Variants in GPR83 observed in about 807,000 individuals in gnomAD.
GPR83 encodes the protein G protein-coupled receptor 83, also known as G-protein coupled receptor 72.
A neutral mutation model predicts 28.0 loss-of-function variants in GPR83; 23 were observed. The observed-to-expected ratio is 0.82, with a 90% CI of 0.59 to 1.16. The LOEUF (loss-of-function observed/expected upper bound fraction) is 1.16. Ranked by LOEUF, GPR83 falls within the 50% of genes most tolerant of loss-of-function variation. The pLI is 0.00. For missense variants in GPR83, 610 were observed against 536.6 expected (o/e 1.14, Z -1.35); for synonymous variants, 234 against 215.4 (o/e 1.09, Z -0.76).
At position 94,386,162 on chromosome 11, in the gene GPR83, A is replaced by G. The variant is rs554665119; in HGVS notation, c.648-5389T>C. 1.2e-4 allele frequency among the ~76,000 whole-genome samples: 18 copies of G among 152,308 alleles called. No individual in the cohort carries two copies. The East Asian group carries it at 3.3e-3, about 28-fold the overall frequency. On this transcript the variant is annotated intron_variant, in intron 3 of 3. Transcript: ENST00000243673. ...TAAGCAAATGCTGAGAGACTCTGTCACCACCAGGCCTGCCCTACAAGAGCT... is the reference window on the plus strand; with the variant it reads ...TAAGCAAATGCTGAGAGACTCTGTCGCCACCAGGCCTGCCCTACAAGAGCT...
At chr11:94,390,236 G>A (rs952898319) in intron 3 of GPR83, among the ~76,000 whole-genome samples, 1 of 151,802 alleles carries the variant, frequency 6.6e-6, no homozygotes, top group Non-Finnish European at 1.5e-5. Context: ...GAGTTAATGG[G>A]TGCAGCACAC....
intron 3 of GPR83, among the ~76,000 whole-genome samples, chr11:94,386,583 C>G (rs977297184): frequency 6.6e-6 from 1 of 150,392 alleles, no homozygotes; most frequent in African/African-American, 2.4e-5. Flanking sequence ...AAACCAAAGG[C>G]CATTACATAA....
intron 3 of GPR83, among the ~76,000 whole-genome samples, chr11:94,387,420 T>G (rs531515894): frequency 1.6e-3 from 239 of 152,230 alleles, no homozygotes; most frequent in Non-Finnish European, 2.9e-3. Flanking sequence ...ACAAAATTGA[T>G]AGACCGCTAG....
intron 3 of GPR83, among the ~76,000 whole-genome samples, chr11:94,389,504 G>A (rs1185753495): frequency 6.6e-6 from 1 of 152,168 alleles, no homozygotes; most frequent in African/African-American, 2.4e-5. Context: ...CAACAAGTGG[G>A]CGAAGGATAT....
At position 94,380,339 on chromosome 11, in the gene GPR83, C is replaced by T. The variant is rs143486778; in HGVS notation, c.1082G>A (p.Ser361Asn). ...AGGCTTGGGAGGTCTTTGACACATGCTCAGTAATGCCTTTAGCTCAATCCT... is the reference window on the plus strand; with the variant it reads ...AGGCTTGGGAGGTCTTTGACACATGTTCAGTAATGCCTTTAGCTCAATCCT... ...NFRIELKALL[S>N]MCQRPPKPQE... Residue 361 changes from serine to asparagine, a missense_variant, in exon 4 of 4, where the codon AGC becomes AAC. By Grantham distance (46) the Ser-to-Asn change is conservative. Coordinates refer to ENST00000243673, the MANE Select transcript of GPR83 (RefSeq NM_016540.4). 1.2e-6 allele frequency: 2 copies of T among 1,613,392 alleles called. No individual in the cohort carries two copies. The highest frequency in any genetic ancestry group is 2.7e-5 in the African/African-American group (2 of 74,910).
rs550748390 is a variant in GPR83, at chr11:94,381,809, C to T, written c.648-1036G>A. Among the ~76,000 whole-genome samples, 16 of 152,176 alleles carry T rather than the reference C, an allele frequency of 1.1e-4. No individual in the cohort carries two copies. In the South Asian group the frequency reaches 1.5e-3, roughly 14 times the overall value. On this transcript the variant is annotated intron_variant, in intron 3 of 3. Coordinates refer to ENST00000243673, the MANE Select transcript of GPR83 (RefSeq NM_016540.4). Reference sequence around the variant, plus strand: ...AGACCTGTAATAAAAGACTGAGAGACGGAGAAATAGGAAAGCCCAGTTACC... The same window carrying T: ...AGACCTGTAATAAAAGACTGAGAGATGGAGAAATAGGAAAGCCCAGTTACC...
chr11:94,400,895 A>T lies in GPR83; in HGVS notation c.353T>A (p.Ile118Lys), dbSNP rs1944904840. ...GGGGGTGTTGAGCAGCGTGATCATT[A>T]TGTCGGCAACTGCCAGGTTGACGAT... is the stretch of plus-strand genomic sequence containing the variant. ...LFIVNLAVAD[I>K]MITLLNTPFT... Residue 118 changes from isoleucine (I) to lysine (K), a missense_variant, in exon 1 of 4, where the codon ATA becomes AAA. Ile to Lys is a moderately radical substitution (Grantham distance 102). Coordinates refer to ENST00000243673, the MANE Select transcript of GPR83 (RefSeq NM_016540.4). 1 of 1,614,068 alleles carries T rather than the reference A, an allele frequency of 6.2e-7. No homozygotes were observed. Among genetic ancestry groups the T allele is most frequent in the Non-Finnish European group, 8.5e-7 (1 of 1,180,026 alleles).
intron 1 of GPR83, among the ~76,000 whole-genome samples, chr11:94,397,583 G>A (rs1439654891): frequency 6.6e-6 from 1 of 152,232 alleles, no homozygotes; most frequent in Non-Finnish European, 1.5e-5. Flanking sequence ...TGGGCCCTCT[G>A]AGCCCCACTT....
rs148382857 is a variant in GPR83 at position 94,383,875 on chromosome 11, C to T, written c.648-3102G>A. Among the ~76,000 whole-genome samples, 581 of 152,258 alleles carry T rather than the reference C, an allele frequency of 3.8e-3. 3 individuals are homozygous for T. The highest frequency in any genetic ancestry group is 0.013 in the African/African-American group (552 of 41,528). On this transcript the variant is annotated intron_variant, in intron 3 of 3. Transcript: ENST00000243673. ...CAACCAAAAAAAGTCCAGGACCAGA[C>T]AGATTCACAGCCAGATTCTACCAGA...
At chr11:94,389,158 T>C (rs1050746764) in intron 3 of GPR83, among the ~76,000 whole-genome samples, 4 of 152,152 alleles carry the variant, frequency 2.6e-5, no homozygotes, top group Non-Finnish European at 5.9e-5. Context: ...CCTTACACCT[T>C]ACACAAAAAT....
rs1944668723 is a variant in GPR83 at position 94,380,035 on chromosome 11, A to G, written c.*114T>C. 1.2e-6 allele frequency: 1 copy of G among 833,562 alleles called. No homozygotes were observed. Among genetic ancestry groups the G allele is most frequent in the Non-Finnish European group, 1.8e-6 (1 of 561,062 alleles). The allele number at this position is 833,562 out of a possible 1,614,324, so 51.6% of individuals were successfully genotyped here. ...AGTTTCCTAGGAATTCAAGAGTCCT[A>G]CAGCTTCTGCAGGAGTGTGTTTCCA... On this transcript the variant is annotated 3_prime_UTR_variant, in exon 4 of 4. Coordinates refer to ENST00000243673, the MANE Select transcript of GPR83 (RefSeq NM_016540.4).
At chr11:94,396,985 T>G (rs1368524372) in intron 1 of GPR83, among the ~76,000 whole-genome samples, 4 of 152,202 alleles carry the variant, frequency 2.6e-5, no homozygotes, top group African/African-American at 9.6e-5. Context: ...TCAGATATTA[T>G]TAGAAGTAAA....
chr11:94,378,004 T>C lies in GPR83; in HGVS notation c.*2145A>G, dbSNP rs12417810. Reference sequence around the variant, plus strand: ...CTCATTCTGGTTCACAGAATTTCTATGGCAGCTTTCAGATGAAACCATTAG... The same window carrying C: ...CTCATTCTGGTTCACAGAATTTCTACGGCAGCTTTCAGATGAAACCATTAG... On this transcript the variant is annotated 3_prime_UTR_variant, in exon 4 of 4. Transcript: ENST00000243673. The C allele has an allele frequency of 1.3e-5, 2 of 152,154 alleles. No homozygotes were observed. Among genetic ancestry groups the C allele is most frequent in the African/African-American group, 4.8e-5 (2 of 41,422 alleles). The allele number at this position is 152,154 out of a possible 1,614,324, so 9.4% of individuals were successfully genotyped here. A position where few individuals can be genotyped will look rare whatever the true frequency, so the allele number is the denominator to read the frequency against.
chr11:94,384,125 AG>A (rs1944722177), intron 3 of GPR83, among the ~76,000 whole-genome samples: 1 of 152,224 alleles, frequency 6.6e-6, no homozygotes. Flanking sequence ...CACATCAAAA[AG>A]CTTATCCACC....
intron 3 of GPR83, among the ~76,000 whole-genome samples, chr11:94,384,994 C>A (rs1944735236): frequency 6.6e-6 from 1 of 152,174 alleles, no homozygotes; most frequent in Non-Finnish European, 1.5e-5. Context: ...TCCTCTGAGA[C>A]AAAACTTCCA....
intron 3 of GPR83, among the ~76,000 whole-genome samples, chr11:94,389,636 G>T (rs1347499841): frequency 6.6e-6 from 1 of 152,210 alleles, no homozygotes; most frequent in Non-Finnish European, 1.5e-5. Flanking sequence ...TCTCACACCA[G>T]TTAGAATGGC....
At chr11:94,387,540 C>G (rs181536533) in intron 3 of GPR83, among the ~76,000 whole-genome samples, 6 of 152,174 alleles carry the variant, frequency 3.9e-5, no homozygotes, top group Non-Finnish European at 8.8e-5. Context: ...TCAGAGAATA[C>G]TATAAACACC....
chr11:94,399,746 AATG>A (rs1295653809), intron 1 of GPR83, among the ~76,000 whole-genome samples: 1 of 152,226 alleles, frequency 6.6e-6, no homozygotes, highest in African/African-American at 2.4e-5. Flanking sequence ...TAATCACTCA[AATG>A]ACAAAGTTAT....
intron 3 of GPR83, among the ~76,000 whole-genome samples, chr11:94,390,705 A>C (rs1179815619): frequency 6.6e-6 from 1 of 152,212 alleles, no homozygotes. Flanking sequence ...CCAAATCATG[A>C]GTGAACTCCC....
Sources: gnomAD v4.1 joint callset for allele counts (sites outside exome capture counted in the v4.1 genomes callset) on GRCh38, gnomAD v4.1.1 for gene constraint, MANE v1.5 for transcripts, NCBI Gene and HGNC (gene_info 2026-07-23, HGNC 2026-07-21) for gene names.